The following SNAPC3 variants were observed in gnomAD, a reference collection of about 807,000 sequenced individuals.
The protein encoded by SNAPC3 is snRNA-activating protein complex subunit 3.
SNAPC3 carries 56 observed loss-of-function variants against 47.7 expected under a neutral mutation model. That is an observed-to-expected ratio of 1.18 (90% confidence interval 0.95 to 1.47). The LOEUF is 1.47. Among genes scored for constraint, SNAPC3 ranks in the 40% most tolerant of loss-of-function variants. The pLI, the probability that SNAPC3 is intolerant of heterozygous loss-of-function variation, is 0.00. For synonymous variants in SNAPC3, 235 were observed against 189.9 expected, an observed-to-expected ratio of 1.24 and a Z score of -1.95; for missense variants, 665 against 511.3, an observed-to-expected ratio of 1.30 and a Z score of -2.90.
intron 3 of SNAPC3, among the ~76,000 whole-genome samples, chr9:15,436,071 T>C (rs932336541): frequency 6.6e-6 from 1 of 152,202 alleles, no homozygotes; most frequent in Non-Finnish European, 1.5e-5. Flanking sequence ...CTCGAACTCC[T>C]GACCTCAGGT....
intron 6 of SNAPC3, among the ~76,000 whole-genome samples, chr9:15,452,291 A>G (rs1263411640): frequency 2.7e-5 from 4 of 150,744 alleles, no homozygotes; most frequent in African/African-American, 2.4e-5. Context: ...TCTGTATTCT[A>G]ACCCAACAGT....
At chr9:15,429,030 A>G (rs535924580) in intron 2 of SNAPC3, among the ~76,000 whole-genome samples, 131 of 152,336 alleles carry the variant, frequency 8.6e-4, no homozygotes, top group African/African-American at 3.0e-3. Flanking sequence ...ACCCAGACTT[A>G]TTGACTTTTG....
intron 3 of SNAPC3, among the ~76,000 whole-genome samples, chr9:15,440,114 T>C (rs1257361654): frequency 6.6e-6 from 1 of 152,236 alleles, no homozygotes; most frequent in Non-Finnish European, 1.5e-5. Flanking sequence ...TGTCTTTATA[T>C]ATTGTGTGTC....
chr9:15,423,100 G>A lies in SNAPC3; in HGVS notation c.221G>A (p.Ser74Asn), dbSNP rs1356342159. 9 of 1,547,738 alleles carry A rather than the reference G, an allele frequency of 5.8e-6. No homozygotes were observed. Among genetic ancestry groups the A allele is most frequent in the Non-Finnish European group, 7.8e-6 (9 of 1,156,962 alleles). Residue 74 changes from serine to asparagine, a missense_variant, in exon 1 of 9, where the codon AGC (serine) becomes AAC (asparagine). Transcript: ENST00000380821. ...REPPASALPGSQAADSDREDA... is the reference protein window; with the variant it reads ...REPPASALPGNQAADSDREDA... ...CCGCCGGCATCCGCTCTGCCTGGGA[G>A]CCAGGCAGCTGACTCCGACCGGGAG...
rs1563856824 is a variant in SNAPC3 at position 15,459,817 on chromosome 9, T to A, written c.1187T>A (p.Leu396Gln). The change falls in exon 9 of 9, where the codon CTG (leucine) becomes CAG (glutamine). Residue 396 changes from leucine to glutamine, a missense_variant. Physicochemically the swap from Leu to Gln is moderately radical, Grantham distance 113 (BLOSUM62 -2). Coordinates refer to ENST00000380821, the MANE Select transcript of SNAPC3 (RefSeq NM_001039697.2). ...CACTATGATTCAGAAGGCAACAAAC[T>A]GGGGGAATTCCTTGCTTATCCTTAT... ...MLHYDSEGNK[L>Q]GEFLAYPYVD... 6.2e-7 allele frequency: 1 copy of A among 1,613,512 alleles called. No homozygotes were observed. Among genetic ancestry groups the A allele is most frequent in the Non-Finnish European group, 8.5e-7 (1 of 1,179,700 alleles).
chr9:15,449,797 C>T (rs1279208309), intron 5 of SNAPC3, among the ~76,000 whole-genome samples: 1 of 151,512 alleles, frequency 6.6e-6, no homozygotes. Flanking sequence ...TCTTGAACTC[C>T]CAACCTCAGG....
chr9:15,424,890 T>C (rs10962032), intron 2 of SNAPC3, among the ~76,000 whole-genome samples: 35,640 of 152,166 alleles, frequency 0.23, 5,365 homozygotes, highest in Non-Finnish European at 0.33. Context: ...GCTAAATCTG[T>C]TCCCCTGGTC....
chr9:15,440,575 C>G (rs1424345297), intron 3 of SNAPC3, among the ~76,000 whole-genome samples: 2 of 152,098 alleles, frequency 1.3e-5, no homozygotes, highest in African/African-American at 4.8e-5. Flanking sequence ...CCCATAGTCT[C>G]AGTTACTGAG....
At chr9:15,428,769 G>C (rs1176916009) in intron 2 of SNAPC3, among the ~76,000 whole-genome samples, 2 of 151,964 alleles carry the variant, frequency 1.3e-5, no homozygotes, top group Non-Finnish European at 1.5e-5. Flanking sequence ...ATGAAAGCAA[G>C]AGGCAATGAA....
intron 3 of SNAPC3, among the ~76,000 whole-genome samples, chr9:15,440,056 C>T (rs897851227): frequency 1.3e-5 from 2 of 152,190 alleles, no homozygotes; most frequent in Non-Finnish European, 2.9e-5. Context: ...TATTCAAATA[C>T]TCTGCTTCCA....
At chr9:15,449,130 G>T (rs181434490) in intron 5 of SNAPC3, among the ~76,000 whole-genome samples, 1 of 152,180 alleles carries the variant, frequency 6.6e-6, no homozygotes, top group Admixed American at 6.5e-5. Flanking sequence ...CTTTAAAGCA[G>T]CGGTGGCAAT....
intron 5 of SNAPC3, among the ~76,000 whole-genome samples, chr9:15,450,486 T>C (rs2034306720): frequency 6.6e-6 from 1 of 152,202 alleles, no homozygotes; most frequent in Admixed American, 6.5e-5. Context: ...ATATTATTAT[T>C]CTCATTTCAC....
chr9:15,437,211 G>A (rs1015288136), intron 3 of SNAPC3, among the ~76,000 whole-genome samples: 1 of 151,632 alleles, frequency 6.6e-6, no homozygotes, highest in Non-Finnish European at 1.5e-5. Context: ...TCTTTTGAAT[G>A]CTATTGTAAG....
At chr9:15,440,993 C>T (rs987273884) in intron 3 of SNAPC3, among the ~76,000 whole-genome samples, 7 of 150,866 alleles carry the variant, frequency 4.6e-5, no homozygotes, top group South Asian at 4.2e-4. Context: ...ATCCGTCTAT[C>T]TGCCCATTCT....
At chr9:15,426,988 C>T (rs571416626) in intron 2 of SNAPC3, among the ~76,000 whole-genome samples, 1 of 152,226 alleles carries the variant, frequency 6.6e-6, no homozygotes, top group East Asian at 1.9e-4. Flanking sequence ...TTCTCTGAAC[C>T]TTCCTTTTCC....
At chr9:15,456,608 T>C (rs1198875231) in intron 7 of SNAPC3, among the ~76,000 whole-genome samples, 2 of 151,968 alleles carry the variant, frequency 1.3e-5, no homozygotes, top group African/African-American at 4.8e-5. Flanking sequence ...GCTGAGATTA[T>C]AGGCATATGC....
intron 3 of SNAPC3, among the ~76,000 whole-genome samples, chr9:15,440,040 C>G (rs2033184677): frequency 6.6e-6 from 1 of 152,136 alleles, no homozygotes; most frequent in Non-Finnish European, 1.5e-5. Flanking sequence ...AGTTTTGTTT[C>G]TATAATATTC....
chr9:15,449,352 C>T (rs1406430659), intron 5 of SNAPC3, among the ~76,000 whole-genome samples: 1 of 151,882 alleles, frequency 6.6e-6, no homozygotes, highest in African/African-American at 2.4e-5. Context: ...CAAGTCCAGT[C>T]TGGGCAACAA....
downstream of SNAPC3, chr9:15,464,697 TAA>T (rs934292500): frequency 8.6e-5 from 17 of 198,762 alleles, no homozygotes; most frequent in African/African-American, 3.9e-4. Flanking sequence ...TCCTCAAAAA[TAA>T]ACTTACTTAG....
Sources: gnomAD v4.1 joint callset for allele counts (sites outside exome capture counted in the v4.1 genomes callset) on GRCh38, gnomAD v4.1.1 for gene constraint, MANE v1.5 for transcripts, NCBI Gene and HGNC (gene_info 2026-07-23, HGNC 2026-07-21) for gene names.